MCMBP: variants seen among roughly 807,000 people sequenced by gnomAD.
MCMBP encodes the protein mini-chromosome maintenance complex-binding protein.
A neutral mutation model predicts 81.3 loss-of-function variants in MCMBP; 31 were observed. The ratio of observed to expected loss-of-function variants is 0.38; its 90% confidence interval spans 0.29 to 0.51. MCMBP has a LOEUF of 0.51. Among genes scored for constraint, MCMBP ranks in the 20% least tolerant of loss-of-function variants. The probability of loss-of-function intolerance (pLI) is 0.87; values close to 1 mark genes in which losing one functional copy is unlikely to be tolerated. For synonymous variants in MCMBP, 267 were observed against 275.9 expected (o/e 0.97, Z 0.32); for missense variants, 645 against 772.1 (o/e 0.84, Z 1.95).
intron 1 of MCMBP, among the ~76,000 whole-genome samples, chr10:119,872,017 C>A (rs1227639065): frequency 6.6e-6 from 1 of 152,192 alleles, no homozygotes; most frequent in Non-Finnish European, 1.5e-5. Flanking sequence ...AATCTTATCT[C>A]TGAAAGAGAG....
chr10:119,864,115 G>C (rs760206768), intron 1 of MCMBP, among the ~76,000 whole-genome samples: 4 of 152,324 alleles, frequency 2.6e-5, no homozygotes, highest in Non-Finnish European at 5.9e-5. Context: ...AACTCGACTT[G>C]TTGTCTTTGA....
intron 11 of MCMBP, among the ~76,000 whole-genome samples, 155 bp downstream of exon 11, chr10:119,840,688 C>T (rs1020938829): frequency 2.0e-5 from 3 of 152,058 alleles, no homozygotes; most frequent in Non-Finnish European, 4.4e-5. Context: ...TTTAGGGGAA[C>T]GTACATTTTA....
At chr10:119,834,883 AAAG>A (rs1409516103) in intron 14 of MCMBP, among the ~76,000 whole-genome samples, 47 of 149,864 alleles carry the variant, frequency 3.1e-4, no homozygotes, top group Non-Finnish European at 5.0e-4. Flanking sequence ...AAAAAAAAAA[AAAG>A]AATTTGCACA....
intron 1 of MCMBP, among the ~76,000 whole-genome samples, chr10:119,863,426 G>C (rs150667351): frequency 5.8e-4 from 89 of 152,170 alleles, no homozygotes; most frequent in Non-Finnish European, 1.0e-3. Flanking sequence ...ATTAGCTTTT[G>C]TATCTTTATT....
In MCMBP at chr10:119,860,243, C is replaced by A. The variant is rs368279932; in HGVS notation, c.59-359G>T. Reference sequence around the variant, plus strand: ...CTGCTTGTAAAGCATTCTGTTCTTTCAATACATTTTTATGTAGTTTTTTTA... The same window carrying A: ...CTGCTTGTAAAGCATTCTGTTCTTTAAATACATTTTTATGTAGTTTTTTTA... On this transcript the variant is annotated intron_variant, in intron 1 of 15. Coordinates refer to ENST00000369077, the MANE Select transcript of MCMBP (RefSeq NM_001256378.2). Among the ~76,000 whole-genome samples, 17 of 152,240 alleles carry A rather than the reference C, an allele frequency of 1.1e-4. No homozygotes were observed. The South Asian group carries it at 1.7e-3, about 15-fold the overall frequency.
rs1450296811 is a variant in MCMBP, at chr10:119,830,111, GAAC to G, written c.*1360_*1362del. The G allele has an allele frequency of 2.0e-5, 3 of 152,674 alleles. No individual in the cohort carries two copies. Among genetic ancestry groups the G allele is most frequent in the Non-Finnish European group, 4.4e-5 (3 of 68,020 alleles). The allele number at this position is 152,674 out of a possible 1,614,324, so 9.5% of individuals were successfully genotyped here. A position where few individuals can be genotyped will look rare whatever the true frequency, so the allele number is the denominator to read the frequency against. ...AATAGATTTGAGTTTAGGAAAAGTTGAACAACTAGTTATTTTTACTTCAGTTAT... is the reference window on the plus strand; with the variant it reads ...AATAGATTTGAGTTTAGGAAAAGTTGAACTAGTTATTTTTACTTCAGTTAT... On this transcript the variant is annotated 3_prime_UTR_variant, in exon 16 of 16. Coordinates refer to ENST00000369077, the MANE Select transcript of MCMBP (RefSeq NM_001256378.2).
In MCMBP at chr10:119,834,615, G is replaced by A. The variant is rs190000950; in HGVS notation, c.1707+925C>T. Reference sequence around the variant, plus strand: ...GAGGATCACTTGAACCCAGGAGTTCGAGACTAGCCTGGGCAACATAAAGAG... The same window carrying A: ...GAGGATCACTTGAACCCAGGAGTTCAAGACTAGCCTGGGCAACATAAAGAG... On this transcript the variant is annotated intron_variant, in intron 14 of 15. Coordinates refer to ENST00000369077, the MANE Select transcript of MCMBP (RefSeq NM_001256378.2). Among the ~76,000 whole-genome samples the A allele has an allele frequency of 4.1e-3, 623 of 151,942 alleles. 4 individuals are homozygous for A. The highest frequency in any genetic ancestry group is 4.8e-3 in the Non-Finnish European group (325 of 67,946).
At chr10:119,837,108 G>A (rs1167998192) in intron 12 of MCMBP, 79 bp from the exon 13 acceptor site, 3 of 1,435,644 alleles carry the variant, frequency 2.1e-6, no homozygotes, top group South Asian at 1.3e-5. Flanking sequence ...CCGATGATGA[G>A]CCATGAAGTT....
In MCMBP at chr10:119,863,815, T is replaced by C. The variant is rs146868873; in HGVS notation, c.59-3931A>G. Among the ~76,000 whole-genome samples the C allele has an allele frequency of 6.6e-3, 921 of 140,570 alleles. 12 individuals carry two copies. Among genetic ancestry groups the C allele is most frequent in the Admixed American group, 0.037 (512 of 13,882 alleles). The allele number at this position is 140,570 out of a possible 152,430, so 92.2% of individuals were successfully genotyped here. ...CTTGAAAACATTATGCTAAGTGAGA[T>C]AAGCCAGACGTAAAAGGTGAAATAT... On this transcript the variant is annotated intron_variant, in intron 1 of 15. Transcript: ENST00000369077.
upstream of MCMBP, among the ~76,000 whole-genome samples, chr10:119,873,097 A>C (rs556830198): frequency 4.0e-5 from 6 of 151,666 alleles, no homozygotes; most frequent in Admixed American, 3.9e-4. Flanking sequence ...TGTAGCGGGA[A>C]CTCCCATAGT....
chr10:119,832,718 G>GT (rs1221840121), intron 14 of MCMBP, among the ~76,000 whole-genome samples: 1 of 152,104 alleles, frequency 6.6e-6, no homozygotes, highest in African/African-American at 2.4e-5. Context: ...TTGCAAGGTT[G>GT]TCTTTATTTA....
At position 119,842,672 on chromosome 10, in the gene MCMBP, C is replaced by T. The variant is rs529147984; in HGVS notation, c.1001-77G>A. The T allele has an allele frequency of 6.6e-5, 99 of 1,501,036 alleles. 1 individual carries two copies. The African/African-American group carries it at 6.8e-4, about 10-fold the overall frequency. The allele number at this position is 1,501,036 out of a possible 1,614,324, so 93.0% of individuals were successfully genotyped here. A position where few individuals can be genotyped will look rare whatever the true frequency, so the allele number is the denominator to read the frequency against. On this transcript the variant is annotated intron_variant, in intron 9 of 15. Transcript: ENST00000369077. ...AGTGTCTTAGGTAAAAAAATAACTA[C>T]GTGAGCAAAGCACAATTCAGTCGAC...
chr10:119,857,527 T>A, intron 4 of MCMBP, 88 bp from the exon 5 acceptor site: 1 of 692,132 alleles, frequency 1.4e-6, no homozygotes, highest in Non-Finnish European at 2.4e-6. Flanking sequence ...TTTCACATTA[T>A]AACACCACAG....
chr10:119,864,267 C>G (rs927682268), intron 1 of MCMBP, among the ~76,000 whole-genome samples: 3 of 152,234 alleles, frequency 2.0e-5, no homozygotes, highest in African/African-American at 7.2e-5. Flanking sequence ...AGACCCATGT[C>G]AGACTTCTGT....
chr10:119,864,321 A>G (rs941344691), intron 1 of MCMBP, among the ~76,000 whole-genome samples: 1 of 152,248 alleles, frequency 6.6e-6, no homozygotes, highest in Non-Finnish European at 1.5e-5. Context: ...AAGTCACTAC[A>G]TTTGTAATTT....
intron 6 of MCMBP, among the ~76,000 whole-genome samples, chr10:119,852,561 A>T (rs1852872071): frequency 1.3e-5 from 2 of 152,194 alleles, no homozygotes; most frequent in East Asian, 1.9e-4. Context: ...CTATAGCCTT[A>T]GCTACTAGGC....
At chr10:119,838,847 G>A in intron 11 of MCMBP, 147 bp from the exon 12 acceptor site, 1 of 598,660 alleles carries the variant, frequency 1.7e-6, no homozygotes, top group Non-Finnish European at 2.7e-6. Flanking sequence ...TTGAACTCCA[G>A]AAGCAAAAAT....
At chr10:119,834,527 TA>T (rs1460848296) in intron 14 of MCMBP, among the ~76,000 whole-genome samples, 1 of 151,710 alleles carries the variant, frequency 6.6e-6, no homozygotes, top group Non-Finnish European at 1.5e-5. Context: ...AACAAAAACT[TA>T]AAAGAGGGCT....
At position 119,830,347 on chromosome 10, in the gene MCMBP, T is replaced by C. The variant is rs1589768666; in HGVS notation, c.*1127A>G. ...ATAACCATGCTACTACAGTCTGTTG[T>C]TAGTTTGCTCTATTAAAACTAATTG... On this transcript the variant is annotated 3_prime_UTR_variant, in exon 16 of 16. Transcript: ENST00000369077. 6.6e-6 allele frequency: 1 copy of C among 152,370 alleles called. No homozygotes were observed. Among genetic ancestry groups the C allele is most frequent in the Non-Finnish European group, 1.5e-5 (1 of 68,038 alleles). 9.4% of individuals were successfully genotyped at this position (152,370 alleles called of 1,614,324 possible). A position where few individuals can be genotyped will look rare whatever the true frequency, so the allele number is the denominator to read the frequency against.
Sources: gnomAD v4.1 joint callset for allele counts (sites outside exome capture counted in the v4.1 genomes callset) on GRCh38, gnomAD v4.1.1 for gene constraint, MANE v1.5 for transcripts, NCBI Gene and HGNC (gene_info 2026-07-23, HGNC 2026-07-21) for gene names.